UGT3A1: variants seen among roughly 807,000 people sequenced by gnomAD.
The protein encoded by UGT3A1 is UDP glycosyltransferase family 3 member A1, also known as UDP-glycosyltransferase 3A1.
Under a neutral mutation model 37.6 loss-of-function variants are expected in UGT3A1, and 40 were observed. That is an observed-to-expected ratio of 1.06 (90% CI 0.83 to 1.38). The LOEUF (loss-of-function observed/expected upper bound fraction) is 1.38, where lower values mean the gene tolerates loss of function less well. UGT3A1 is among the 40% of genes most tolerant of loss of function. UGT3A1 has a pLI of 0.00. For synonymous variants in UGT3A1, 256 were observed against 232.3 expected (o/e 1.10, Z -0.93); for missense variants, 642 against 634.2 (o/e 1.01, Z -0.13).
chr5:35,972,984 C>T (rs1740110870), intron 2 of UGT3A1, among the ~76,000 whole-genome samples: 1 of 152,038 alleles, frequency 6.6e-6, no homozygotes, highest in African/African-American at 2.4e-5. Flanking sequence ...ATTTAATTCT[C>T]CACCTTGCAA....
intron 2 of UGT3A1, among the ~76,000 whole-genome samples, chr5:35,986,412 G>A (rs1740730811): frequency 1.3e-5 from 2 of 151,946 alleles, no homozygotes; most frequent in South Asian, 4.2e-4. Context: ...CCAAAGTAAA[G>A]CAATCAACCT....
At chr5:35,964,131 C>G (rs984822913) in intron 4 of UGT3A1, among the ~76,000 whole-genome samples, 7 of 151,984 alleles carry the variant, frequency 4.6e-5, no homozygotes, top group Non-Finnish European at 8.8e-5. Context: ...AAATATTTGT[C>G]CACAATTAAA....
intron 4 of UGT3A1, among the ~76,000 whole-genome samples, chr5:35,958,564 G>T (rs1470591320): frequency 6.6e-6 from 1 of 152,134 alleles, no homozygotes; most frequent in Non-Finnish European, 1.5e-5. Flanking sequence ...ATCAGCAGCC[G>T]CATGCCCTTG....
At chr5:36,000,473 T>A (rs1001222748) in intron 1 of UGT3A1, among the ~76,000 whole-genome samples, 1 of 152,114 alleles carries the variant, frequency 6.6e-6, no homozygotes, top group Non-Finnish European at 1.5e-5. Context: ...CCATACCAGG[T>A]ACCATTGACA....
intron 2 of UGT3A1, among the ~76,000 whole-genome samples, chr5:35,984,054 G>C (rs1740634321): frequency 6.6e-6 from 1 of 152,176 alleles, no homozygotes; most frequent in African/African-American, 2.4e-5. Context: ...TCTGGACAGA[G>C]AAGTTAGGCA....
intron 2 of UGT3A1, among the ~76,000 whole-genome samples, chr5:35,979,483 G>A (rs1740432283): frequency 6.6e-6 from 1 of 151,828 alleles, no homozygotes; most frequent in East Asian, 1.9e-4. Flanking sequence ...AGTGACCTTT[G>A]CTTCAGTTCC....
At chr5:35,963,331 G>T (rs931091209) in intron 4 of UGT3A1, among the ~76,000 whole-genome samples, 2 of 152,108 alleles carry the variant, frequency 1.3e-5, no homozygotes, top group Admixed American at 6.5e-5. Context: ...CGGGCAGATC[G>T]GGTTTTCCTT....
intron 1 of UGT3A1, among the ~76,000 whole-genome samples, chr5:35,988,944 TA>T (rs1740832597): frequency 6.6e-6 from 1 of 152,164 alleles, no homozygotes; most frequent in Non-Finnish European, 1.5e-5. Flanking sequence ...TGATAGAAAA[TA>T]CAGCACAGTA....
intron 2 of UGT3A1, among the ~76,000 whole-genome samples, chr5:35,986,091 C>T (rs1488224394): frequency 6.6e-6 from 1 of 152,020 alleles, no homozygotes; most frequent in Non-Finnish European, 1.5e-5. Flanking sequence ...AAATGTTCAC[C>T]ATTATTTATC....
At chr5:35,988,176 T>C (rs1333936318) in intron 2 of UGT3A1, among the ~76,000 whole-genome samples, 2 of 152,142 alleles carry the variant, frequency 1.3e-5, no homozygotes, top group Non-Finnish European at 2.9e-5. Context: ...GTAGTATTCC[T>C]CAAAATAATT....
chr5:35,955,347 C>T, intron 6 of UGT3A1: 6 of 561,540 alleles, frequency 1.1e-5, no homozygotes, highest in Non-Finnish European at 1.9e-5. Context: ...AAGAAACCCC[C>T]CGCTTCAGTT....
At position 35,955,671 on chromosome 5, in the gene UGT3A1, T is replaced by A. The variant is rs1739323266; in HGVS notation, c.1269A>T (p.Thr423=). Reference sequence around the variant, plus strand: ...TCTTGTCTTCTATGACTTGTTTCATTGTAAGTGTCAGTGTGTCGGCTGTGA... The same window carrying A: ...TCTTGTCTTCTATGACTTGTTTCATAGTAAGTGTCAGTGTGTCGGCTGTGA... ...NQVTADTLTL[T]MKQVIEDKRY... The change falls in exon 6 of 7, where the codon ACA becomes ACT. Residue 423 remains threonine (T), a synonymous_variant. Coordinates refer to ENST00000274278, the MANE Select transcript of UGT3A1 (RefSeq NM_152404.4). 6.2e-7 allele frequency: 1 copy of A among 1,614,078 alleles called. No homozygotes were observed.
Position 35,988,472 on chromosome 5 carries a change from CT to C in UGT3A1, c.173del (p.Gln58ArgfsTer6). 6.2e-7 allele frequency: 1 copy of C among 1,606,834 alleles called. No individual in the cohort carries two copies. On this transcript the variant is annotated frameshift_variant, in exon 2 of 7. Transcript: ENST00000274278. LOFTEE classifies it high-confidence loss of function. ...EHGHNVTMLH[Q>X]SGKFLIPDIK... is the part of the protein sequence containing the mutation. Reference sequence around the variant, plus strand: ...TACCTGGGATCAAAAACTTTCCACTCTGATGAAGCATAGTCACATTATGACC... The same window carrying C: ...TACCTGGGATCAAAAACTTTCCACTCGATGAAGCATAGTCACATTATGACC...
chr5:35,985,705 G>T (rs908524748), intron 2 of UGT3A1, among the ~76,000 whole-genome samples: 1 of 152,132 alleles, frequency 6.6e-6, no homozygotes, highest in African/African-American at 2.4e-5. Context: ...AAAAAATAAG[G>T]TCAGAGTGGA....
At chr5:35,985,878 G>T (rs934414616) in intron 2 of UGT3A1, among the ~76,000 whole-genome samples, 1 of 152,086 alleles carries the variant, frequency 6.6e-6, no homozygotes, top group Non-Finnish European at 1.5e-5. Context: ...AAGCCAAAAA[G>T]CTTCTGCACA....
intron 2 of UGT3A1, among the ~76,000 whole-genome samples, chr5:35,977,415 T>A (rs1405101298): frequency 6.6e-6 from 1 of 152,206 alleles, no homozygotes; most frequent in African/African-American, 2.4e-5. Context: ...ACCTCCAAAG[T>A]TGGAGGTGGG....
At chr5:35,986,736 A>C (rs1740743592) in intron 2 of UGT3A1, among the ~76,000 whole-genome samples, 1 of 152,138 alleles carries the variant, frequency 6.6e-6, no homozygotes, top group South Asian at 2.1e-4. Flanking sequence ...GCTTTACAGA[A>C]GAAATAAGAT....
intron 2 of UGT3A1, among the ~76,000 whole-genome samples, chr5:35,982,976 C>G (rs538003609): frequency 1.2e-4 from 18 of 152,212 alleles, no homozygotes; most frequent in East Asian, 1.2e-3. Context: ...CCTGCTCCAC[C>G]CTGGTAAGAT....
chr5:35,955,969 T>G (rs376306813), intron 5 of UGT3A1, 105 bp from the exon 6 acceptor site: 1 of 1,153,272 alleles, frequency 8.7e-7, no homozygotes, highest in Non-Finnish European at 1.2e-6. Context: ...CAAGGTCTGT[T>G]GAGAAAATGA....
Sources: allele counts gnomAD v4.1 joint callset (sites outside exome capture counted in the v4.1 genomes callset), GRCh38; gene constraint gnomAD v4.1.1; transcripts MANE v1.5; gene names NCBI Gene and HGNC (gene_info 2026-07-23, HGNC 2026-07-21).